The following SLC7A2 variants were observed in gnomAD, a reference collection of about 807,000 sequenced individuals.
SLC7A2 encodes the protein cationic amino acid transporter 2.
SLC7A2 carries 48 observed loss-of-function variants against 58.9 expected under a neutral mutation model. The ratio of observed to expected loss-of-function variants is 0.82; its 90% confidence interval spans 0.65 to 1.04. SLC7A2 has a LOEUF of 1.04. Ranked by LOEUF, SLC7A2 falls within the 50% of genes least tolerant of loss-of-function variation. The pLI is 0.00. For synonymous variants in SLC7A2, 363 were observed against 314.5 expected, an observed-to-expected ratio of 1.15 and a Z score of -1.63; for missense variants, 1,029 against 818.8, an observed-to-expected ratio of 1.26 and a Z score of -3.13.
At chr8:17,531,786 T>C (rs551484747) in intron 2 of SLC7A2, among the ~76,000 whole-genome samples, 1 of 152,138 alleles carries the variant, frequency 6.6e-6, no homozygotes, top group South Asian at 2.1e-4. Context: ...TGTGCAAAAA[T>C]TCAAGATCTT....
rs1377367597 is a variant in SLC7A2, at chr8:17,569,629, C to A, written c.*4483C>A. On this transcript the variant is annotated 3_prime_UTR_variant, in exon 13 of 13. Transcript: ENST00000494857. The stretch of plus-strand genomic sequence containing the variant: ...GTTTCTGGATTTTGAGAAGCCTGAT[C>A]TGTTATTGTTGTGGTTGTTGGTGTT... 6.6e-6 allele frequency: 1 copy of A among 152,028 alleles called. No individual in the cohort carries two copies. The highest frequency in any genetic ancestry group is 1.5e-5 in the Non-Finnish European group (1 of 68,014). 9.4% of individuals were successfully genotyped at this position (152,028 alleles called of 1,614,324 possible).
At chr8:17,517,293 A>G (rs754075733) in intron 2 of SLC7A2, among the ~76,000 whole-genome samples, 6 of 152,224 alleles carry the variant, frequency 3.9e-5, no homozygotes, top group Non-Finnish European at 8.8e-5. Context: ...GCAAAATGAA[A>G]CCACAAAAGA....
chr8:17,543,372 C>T lies in SLC7A2; in HGVS notation c.33C>T (p.Ala11=). MIPCRAALTF[A]RCLIRRKIVT... is the part of the protein sequence containing the mutation. The stretch of plus-strand genomic sequence containing the variant: ...CTTGCAGAGCCGCGCTGACCTTTGC[C>T]CGATGTCTGATCCGGAGAAAAATCG... Residue 11 remains alanine (A), a synonymous_variant, in exon 3 of 13, where the codon GCC becomes GCT. Transcript: ENST00000494857. The T allele has an allele frequency of 1.2e-6, 2 of 1,614,068 alleles. No homozygotes were observed. Among genetic ancestry groups the T allele is most frequent in the Non-Finnish European group, 1.7e-6 (2 of 1,180,000 alleles).
intron 2 of SLC7A2, among the ~76,000 whole-genome samples, chr8:17,508,065 G>A (rs1472033149): frequency 6.6e-6 from 1 of 151,442 alleles, no homozygotes; most frequent in African/African-American, 2.4e-5. Flanking sequence ...AGTATGTTCT[G>A]TTTGGAGTGC....
intron 2 of SLC7A2, among the ~76,000 whole-genome samples, chr8:17,507,444 C>A (rs778027829): frequency 6.6e-6 from 1 of 151,964 alleles, no homozygotes; most frequent in Non-Finnish European, 1.5e-5. Flanking sequence ...GAACTCCTGG[C>A]CTCAAATGAT....
In SLC7A2 at chr8:17,497,094, C is replaced by A. The variant is rs1036293285; in HGVS notation, c.-212C>A. The A allele has an allele frequency of 6.6e-6, 1 of 151,326 alleles. No homozygotes were observed. Among genetic ancestry groups the A allele is most frequent in the Admixed American group, 6.6e-5 (1 of 15,192 alleles). The allele number at this position is 151,326 out of a possible 1,614,324, so 9.4% of individuals were successfully genotyped here. A position where few individuals can be genotyped will look rare whatever the true frequency, so the allele number is the denominator to read the frequency against. On this transcript the variant is annotated 5_prime_UTR_variant, in exon 1 of 13. In the 5' UTR this introduces an upstream ATG that the reference lacks. Transcript: ENST00000494857. ...GGCGCCCACGTGCCCAGCCCTCCTT[C>A]TGCAGCGCGGCCGGCGGGCGCTCCT...
chr8:17,560,425 G>A lies in SLC7A2; in HGVS notation c.1396G>A (p.Val466Ile). 1 of 1,614,080 alleles carries A rather than the reference G, an allele frequency of 6.2e-7. No individual in the cohort carries two copies. The highest frequency in any genetic ancestry group is 1.1e-5 in the South Asian group (1 of 91,084). The change falls in exon 10 of 13, where the codon GTC becomes ATC. Residue 466 changes from valine to isoleucine, a missense_variant. Val to Ile is a conservative substitution (Grantham distance 29). Transcript: ENST00000494857. ...GGTAACCTCGAAGAGTGAGTCCCAG[G>A]TCACCATGCTGCAGAGACAGGGCTT... ...PRVTSKSESQVTMLQRQGFSM... is the reference protein window; with the variant it reads ...PRVTSKSESQITMLQRQGFSM...
At chr8:17,549,895 A>G (rs192642108) in intron 5 of SLC7A2, among the ~76,000 whole-genome samples, 2 of 152,292 alleles carry the variant, frequency 1.3e-5, no homozygotes, top group Admixed American at 1.3e-4. Context: ...AGAGACATAT[A>G]CTCTGCCTTA....
chr8:17,501,236 A>C, intron 1 of SLC7A2, among the ~76,000 whole-genome samples: 1 of 151,938 alleles, frequency 6.6e-6, no homozygotes, highest in East Asian at 1.9e-4. Context: ...TTGGTCTCGA[A>C]ATCCTGGCCT....
At chr8:17,536,336 A>G (rs926173871) in intron 2 of SLC7A2, among the ~76,000 whole-genome samples, 2 of 152,106 alleles carry the variant, frequency 1.3e-5, no homozygotes, top group Non-Finnish European at 2.9e-5. Flanking sequence ...AGACCAAGGA[A>G]GGAAGATCAC....
intron 8 of SLC7A2, chr8:17,555,199 T>C: frequency 1.1e-6 from 1 of 883,998 alleles, no homozygotes; most frequent in Non-Finnish European, 1.7e-6. Context: ...ACAAAATCAC[T>C]GATAAAAATT....
chr8:17,553,511 T>C (rs1802547023), intron 7 of SLC7A2, among the ~76,000 whole-genome samples: 1 of 152,224 alleles, frequency 6.6e-6, no homozygotes, highest in Non-Finnish European at 1.5e-5. Flanking sequence ...TGGTTCACTC[T>C]TGTAGTCCCA....
At chr8:17,546,813 C>A (rs1585245101) in intron 4 of SLC7A2, among the ~76,000 whole-genome samples, 1 of 152,236 alleles carries the variant, frequency 6.6e-6, no homozygotes, top group African/African-American at 2.4e-5. Flanking sequence ...CATCTTTTCA[C>A]AGCAATCATT....
chr8:17,557,124 T>A (rs1036250297), intron 8 of SLC7A2, among the ~76,000 whole-genome samples: 2 of 152,212 alleles, frequency 1.3e-5, no homozygotes, highest in African/African-American at 4.8e-5. Context: ...CCATTTTATA[T>A]GCCTAAACAT....
chr8:17,503,890 T>C (rs1291353481), intron 2 of SLC7A2, among the ~76,000 whole-genome samples: 2 of 152,336 alleles, frequency 1.3e-5, no homozygotes, highest in East Asian at 3.9e-4. Flanking sequence ...ACGTCTTTGC[T>C]CTTGAGTTCT....
intron 9 of SLC7A2, among the ~76,000 whole-genome samples, chr8:17,558,737 G>A (rs776476570): frequency 1.1e-4 from 16 of 152,148 alleles, no homozygotes; most frequent in Non-Finnish European, 2.1e-4. Context: ...ACAGATGTAT[G>A]TAAAGGATGT....
At position 17,565,374 on chromosome 8, in the gene SLC7A2, C is replaced by G. The variant is rs576373070; in HGVS notation, c.*228C>G. ...TCATCAGTGATGAATAGCCCCCAAA[C>G]AGTGGGAGTGTGTATGTATGTGTGT... is the stretch of plus-strand genomic sequence containing the variant. On this transcript the variant is annotated 3_prime_UTR_variant, in exon 13 of 13. Transcript: ENST00000494857. The G allele has an allele frequency of 2.6e-4, 135 of 524,386 alleles. No individual in the cohort carries two copies. The highest frequency in any genetic ancestry group is 2.5e-3 in the African/African-American group (130 of 52,740). The allele number at this position is 524,386 out of a possible 1,614,324, so 32.5% of individuals were successfully genotyped here.
intron 2 of SLC7A2, among the ~76,000 whole-genome samples, chr8:17,515,314 T>A (rs1800762036): frequency 1.3e-5 from 2 of 151,602 alleles, no homozygotes; most frequent in Non-Finnish European, 1.5e-5. Context: ...TTTTTTTTTT[T>A]AAGATGGAGT....
chr8:17,554,819 TGTGA>T lies in SLC7A2; in HGVS notation c.1195+124_1195+127del. 4 of 1,444,352 alleles carry T rather than the reference TGTGA, an allele frequency of 2.8e-6. No homozygotes were observed. The South Asian group carries it at 5.5e-5, about 20-fold the overall frequency. 89.5% of individuals were successfully genotyped at this position (1,444,352 alleles called of 1,614,324 possible). ...TTTCCAAGAAGTTCAGTCACTTTTTTGTGAGTGTTTCCTATTTTGAATTTTTTGG... is the reference window on the plus strand; with the variant it reads ...TTTCCAAGAAGTTCAGTCACTTTTTTGTGTTTCCTATTTTGAATTTTTTGG... On this transcript the variant is annotated intron_variant, in intron 8 of 12. Coordinates refer to ENST00000494857, the MANE Select transcript of SLC7A2 (RefSeq NM_001370338.1).
Sources: gnomAD v4.1 joint callset for allele counts (sites outside exome capture counted in the v4.1 genomes callset) on GRCh38, gnomAD v4.1.1 for gene constraint, MANE v1.5 for transcripts, NCBI Gene and HGNC (gene_info 2026-07-23, HGNC 2026-07-21) for gene names.